C12orf42: variants seen among roughly 807,000 people sequenced by gnomAD.
C12orf42 encodes the protein uncharacterized protein C12orf42.
Under a neutral mutation model 21.6 loss-of-function variants are expected in C12orf42, and 25 were observed. The observed-to-expected ratio is 1.16, with a 90% CI of 0.84 to 1.62. The LOEUF (loss-of-function observed/expected upper bound fraction) is 1.62, where lower values mean the gene tolerates loss of function less well. Among genes scored for constraint, C12orf42 ranks in the 40% most tolerant of loss-of-function variants. C12orf42 has a pLI of 0.00. For missense variants in C12orf42, 483 were observed against 459.3 expected (o/e 1.05, Z -0.47); for synonymous variants, 174 against 175.0 (o/e 0.99, Z 0.05).
chr12:103,159,011 T>A, the C12orf42 span, among the ~76,000 whole-genome samples: 237 of 151,794 alleles, frequency 1.6e-3, 3 homozygotes, highest in African/African-American at 2.1e-3. Flanking sequence ...GAAAAAAAAA[T>A]TTTCCATCAA....
At chr12:103,142,448 T>C in the C12orf42 span, among the ~76,000 whole-genome samples, 6,238 of 152,278 alleles carry the variant, frequency 0.041, 249 homozygotes, top group African/African-American at 0.094. Context: ...TTGGAATGTT[T>C]TACCCCAGTC....
the C12orf42 span, among the ~76,000 whole-genome samples, chr12:103,145,863 A>G: frequency 1.2e-4 from 18 of 152,156 alleles, no homozygotes; most frequent in African/African-American, 4.3e-4. Context: ...CAGAAAAAAA[A>G]CAGAGTCCAA....
chr12:103,320,840 G>A (rs1337671120), intron 4 of C12orf42, among the ~76,000 whole-genome samples: 1 of 151,966 alleles, frequency 6.6e-6, no homozygotes, highest in Non-Finnish European at 1.5e-5. Flanking sequence ...GTTATTTCTT[G>A]CTGTATCCTC....
chr12:103,302,082 C>G lies in C12orf42; in HGVS notation c.*26G>C. 6.3e-7 allele frequency: 1 copy of G among 1,594,098 alleles called. No homozygotes were observed. Among genetic ancestry groups the G allele is most frequent in the South Asian group, 1.2e-5 (1 of 86,558 alleles). On this transcript the variant is annotated 3_prime_UTR_variant, in exon 6 of 6. Transcript: ENST00000548883. ...GGCATTGATTTGAAGATGGGCAGCA[C>G]TCGCCGAACAATTCCCTCGCAGCGG...
chr12:103,079,704 G>A, the C12orf42 span, among the ~76,000 whole-genome samples: 1 of 152,196 alleles, frequency 6.6e-6, no homozygotes, highest in Non-Finnish European at 1.5e-5. Context: ...TGGCAAGGAA[G>A]CTTTGCTTAT....
chr12:103,368,200 T>C, intron 4 of C12orf42: 1 of 516,838 alleles, frequency 1.9e-6, no homozygotes, highest in East Asian at 6.9e-5. Flanking sequence ...ATATATCTTT[T>C]GGGCTTGACA....
chr12:103,162,635 C>T, the C12orf42 span: 2 of 152,010 alleles, frequency 1.3e-5, no homozygotes, highest in African/African-American at 4.8e-5. Context: ...GGAAGTCAAC[C>T]TGCATGACTC....
the C12orf42 span, among the ~76,000 whole-genome samples, chr12:103,166,429 T>C: frequency 6.6e-6 from 1 of 152,238 alleles, no homozygotes; most frequent in Non-Finnish European, 1.5e-5. Context: ...GTGTATTTTA[T>C]TTTATTCCAC....
chr12:103,175,494 G>T, the C12orf42 span, among the ~76,000 whole-genome samples: 23 of 152,284 alleles, frequency 1.5e-4, no homozygotes, highest in African/African-American at 5.3e-4. Context: ...TAAAAATTGG[G>T]CGCTCATCTT....
At chr12:103,210,732 A>T in the C12orf42 span, among the ~76,000 whole-genome samples, 1 of 149,098 alleles carries the variant, frequency 6.7e-6, no homozygotes, top group African/African-American at 2.5e-5. Flanking sequence ...ACAGGAAGTT[A>T]CAAGACCTTT....
At chr12:103,484,523 ATTTG>A (rs1259790684) in intron 1 of C12orf42, among the ~76,000 whole-genome samples, 2 of 151,876 alleles carry the variant, frequency 1.3e-5, no homozygotes, top group African/African-American at 4.8e-5. Flanking sequence ...TTTTCTTGTA[ATTTG>A]TTTAAGTTCT....
At chr12:103,538,447 C>T in the C12orf42 span, among the ~76,000 whole-genome samples, 2 of 152,228 alleles carry the variant, frequency 1.3e-5, no homozygotes, top group Non-Finnish European at 2.9e-5. Flanking sequence ...GGCCTGGAAA[C>T]TACAACTCTC....
At chr12:103,556,004 T>C in the C12orf42 span, among the ~76,000 whole-genome samples, 1 of 152,122 alleles carries the variant, frequency 6.6e-6, no homozygotes, top group Non-Finnish European at 1.5e-5. Context: ...TCCCCTACAC[T>C]GATGTGGCAA....
chr12:103,302,670 A>T, intron 5 of C12orf42, 111 bp from the exon 6 acceptor site: 1 of 738,066 alleles, frequency 1.4e-6, no homozygotes, highest in South Asian at 2.4e-5. Context: ...TAATGTGCTC[A>T]GAGGGGAAAG....
chr12:103,493,722 C>CAAAA (rs34431365), intron 1 of C12orf42, among the ~76,000 whole-genome samples: 1 of 103,680 alleles, frequency 9.6e-6, no homozygotes. Flanking sequence ...AAAGGGGAGA[C>CAAAA]AAAAAAAAAA....
At chr12:103,456,583 G>A (rs1318992434) in intron 2 of C12orf42, among the ~76,000 whole-genome samples, 1 of 152,078 alleles carries the variant, frequency 6.6e-6, no homozygotes, top group Non-Finnish European at 1.5e-5. Flanking sequence ...TTCTTATTAT[G>A]AAAACAGCAC....
At chr12:103,155,212 C>A in the C12orf42 span, 2 of 152,158 alleles carry the variant, frequency 1.3e-5, no homozygotes, top group African/African-American at 4.8e-5. Context: ...AGTAATTTAT[C>A]TTTTCCCCAG....
upstream of C12orf42, among the ~76,000 whole-genome samples, chr12:103,499,035 A>T (rs899103382): frequency 9.9e-5 from 15 of 150,820 alleles, no homozygotes; most frequent in South Asian, 1.0e-3. Flanking sequence ...AAATAAATTA[A>T]AAAAAAAAGT....
the C12orf42 span, among the ~76,000 whole-genome samples, chr12:103,216,370 T>C: frequency 1.3e-5 from 2 of 151,376 alleles, no homozygotes; most frequent in Admixed American, 1.3e-4. Context: ...ACAATACTTT[T>C]TTTTCTTTTT....
Sources: gnomAD v4.1 joint callset for allele counts (sites outside exome capture counted in the v4.1 genomes callset) on GRCh38, gnomAD v4.1.1 for gene constraint, MANE v1.5 for transcripts, NCBI Gene and HGNC (gene_info 2026-07-23, HGNC 2026-07-21) for gene names.